Variants in VTI1A observed in about 807,000 individuals in gnomAD.
The protein encoded by VTI1A is vesicle transport through interaction with t-SNAREs 1A.
In VTI1A, 22 loss-of-function variants were observed where a neutral mutation model predicts 34.9. The observed-to-expected ratio is 0.63, with a 90% CI of 0.45 to 0.90. VTI1A has a LOEUF of 0.90. Among genes scored for constraint, VTI1A ranks in the 40% least tolerant of loss-of-function variants. VTI1A has a pLI of 0.00. For missense variants in VTI1A, 268 were observed against 275.6 expected, an observed-to-expected ratio of 0.97 and a Z score of 0.20; for synonymous variants, 87 against 97.3, an observed-to-expected ratio of 0.89 and a Z score of 0.62.
At chr10:112,618,402 T>A (rs1562186) in intron 5 of VTI1A, among the ~76,000 whole-genome samples, 16,720 of 148,528 alleles carry the variant, frequency 0.11, 1,288 homozygotes, top group Non-Finnish European at 0.17. Context: ...GGTGCAAAGC[T>A]AAAAGGCATG....
intron 3 of VTI1A, among the ~76,000 whole-genome samples, chr10:112,466,803 A>G (rs1374020991): frequency 1.4e-5 from 2 of 147,612 alleles, no homozygotes; most frequent in East Asian, 3.9e-4. Context: ...GGCTTAAACA[A>G]CAGAAATTTG....
At chr10:112,607,190 G>A (rs1377422915) in intron 5 of VTI1A, among the ~76,000 whole-genome samples, 2 of 151,952 alleles carry the variant, frequency 1.3e-5, no homozygotes, top group African/African-American at 2.4e-5. Context: ...GGGAGGCTGA[G>A]GCAGGAGAAT....
At chr10:112,708,500 A>C (rs974770985) in intron 7 of VTI1A, among the ~76,000 whole-genome samples, 7 of 152,236 alleles carry the variant, frequency 4.6e-5, no homozygotes, top group Non-Finnish European at 1.0e-4. Context: ...AAGTGGTAAA[A>C]AGGAAAACAC....
chr10:112,690,611 C>G (rs1218039627), intron 7 of VTI1A, among the ~76,000 whole-genome samples: 2 of 152,158 alleles, frequency 1.3e-5, no homozygotes, highest in Admixed American at 1.3e-4. Flanking sequence ...TATGGAGATT[C>G]TCGGTTGGAA....
intron 5 of VTI1A, among the ~76,000 whole-genome samples, chr10:112,627,310 G>T (rs1464835854): frequency 1.3e-5 from 2 of 152,110 alleles, no homozygotes; most frequent in East Asian, 3.8e-4. Flanking sequence ...CCATTGATCA[G>T]TCCAGTTGAA....
Position 112,728,987 on chromosome 10 carries a change from C to T in VTI1A, c.560+59989C>T, listed in dbSNP as rs1850147799. Among the ~76,000 whole-genome samples, 4 of 152,298 alleles carry T rather than the reference C, an allele frequency of 2.6e-5. 1 individual carries two copies. The highest frequency in any genetic ancestry group is 2.6e-4 in the Admixed American group (4 of 15,294). The stretch of plus-strand genomic sequence containing the variant: ...GAGCTGGTCTCAGAACCAGGTCTAA[C>T]TTCTCAGCCTTAACAACCATGATGC... On this transcript the variant is annotated intron_variant, in intron 7 of 7. Transcript: ENST00000393077.
intron 3 of VTI1A, among the ~76,000 whole-genome samples, chr10:112,478,055 G>T (rs903351714): frequency 9.9e-5 from 15 of 152,168 alleles, no homozygotes; most frequent in African/African-American, 3.4e-4. Flanking sequence ...ATGTGGTTCA[G>T]TGCTAACCAT....
At chr10:112,612,172 A>T (rs1845342029) in intron 5 of VTI1A, among the ~76,000 whole-genome samples, 1 of 152,184 alleles carries the variant, frequency 6.6e-6, no homozygotes, top group African/African-American at 2.4e-5. Flanking sequence ...ATGTGACTAA[A>T]AAAGTGTCTA....
chr10:112,831,248 C>A, the VTI1A span: 1 of 152,154 alleles, frequency 6.6e-6, no homozygotes, highest in Non-Finnish European at 1.5e-5. Flanking sequence ...TCACCACCAG[C>A]AAGTTCTCTG....
the VTI1A span, among the ~76,000 whole-genome samples, chr10:112,851,663 G>A: frequency 2.0e-5 from 3 of 152,188 alleles, no homozygotes; most frequent in Non-Finnish European, 2.9e-5. Flanking sequence ...GGATGTGAGC[G>A]CAGGAATTGG....
At position 112,618,510 on chromosome 10, in the gene VTI1A, T is replaced by TAGAG. The variant is rs1370121195; in HGVS notation, c.428-49707_428-49706insGAGA. On this transcript the variant is annotated intron_variant, in intron 5 of 7. Transcript: ENST00000393077. The stretch of plus-strand genomic sequence containing the variant: ...TATATTATATATATATATATATATA[T>TAGAG]ATATATATATATATAGAGAGAGAGA... 7.8e-3 allele frequency among the ~76,000 whole-genome samples: 253 copies of TAGAG among 32,298 alleles called. 1 individual carries two copies. The highest frequency in any genetic ancestry group is 0.011 in the Non-Finnish European group (196 of 17,654). The allele number at this position is 32,298 out of a possible 152,430, so 21.2% of individuals were successfully genotyped here. A position where few individuals can be genotyped will look rare whatever the true frequency, so the allele number is the denominator to read the frequency against.
At position 112,548,984 on chromosome 10, in the gene VTI1A, T is replaced by C. The variant is rs570203678; in HGVS notation, c.427+10654T>C. 6.8e-4 allele frequency: 425 copies of C among 625,364 alleles called. 6 individuals carry two copies. The South Asian group carries it at 8.1e-3, about 12-fold the overall frequency. 38.7% of individuals were successfully genotyped at this position (625,364 alleles called of 1,614,324 possible). A position where few individuals can be genotyped will look rare whatever the true frequency, so the allele number is the denominator to read the frequency against. On this transcript the variant is annotated intron_variant, in intron 5 of 7. Coordinates refer to ENST00000393077, the MANE Select transcript of VTI1A (RefSeq NM_145206.4). ...TCTTTCTTCTCTTCTTCTCCTTCCC[T>C]GCCCTCCTGCCTTCTCTTCAAGAAA...
upstream of VTI1A, chr10:112,447,178 G>T: frequency 1.8e-6 from 1 of 552,582 alleles, no homozygotes; most frequent in Non-Finnish European, 3.2e-6. Context: ...AATAAAGCAC[G>T]CACGCAACCC....
intron 3 of VTI1A, among the ~76,000 whole-genome samples, chr10:112,505,158 C>T (rs1359832960): frequency 1.3e-5 from 2 of 151,850 alleles, no homozygotes; most frequent in Non-Finnish European, 2.9e-5. Context: ...AATTATTACT[C>T]TTATATAGTT....
At chr10:112,717,874 A>G (rs775540373) in intron 7 of VTI1A, among the ~76,000 whole-genome samples, 49 of 152,180 alleles carry the variant, frequency 3.2e-4, no homozygotes, top group African/African-American at 9.9e-4. Context: ...GGAAAATACA[A>G]TCTGTCACAT....
At chr10:112,765,656 A>G (rs1186663815) in intron 7 of VTI1A, among the ~76,000 whole-genome samples, 2 of 152,228 alleles carry the variant, frequency 1.3e-5, no homozygotes, top group Non-Finnish European at 2.9e-5. Flanking sequence ...AGTGGGGGAA[A>G]CAGACATTAA....
At chr10:112,803,943 C>A (rs1193218588) in intron 7 of VTI1A, among the ~76,000 whole-genome samples, 1 of 152,212 alleles carries the variant, frequency 6.6e-6, no homozygotes, top group Non-Finnish European at 1.5e-5. Context: ...TTGATCCTAT[C>A]TGGGAGTCTG....
intron 3 of VTI1A, among the ~76,000 whole-genome samples, chr10:112,514,524 T>G (rs1412782546): frequency 6.6e-6 from 1 of 151,812 alleles, no homozygotes; most frequent in East Asian, 1.9e-4. Flanking sequence ...TCTTTGTTAT[T>G]TCATTCTTCT....
At chr10:112,655,161 T>A (rs1847185776) in intron 5 of VTI1A, among the ~76,000 whole-genome samples, 1 of 152,196 alleles carries the variant, frequency 6.6e-6, no homozygotes, top group Non-Finnish European at 1.5e-5. Context: ...CCGTACTGAA[T>A]TAGAAATTGT....
Sources: allele counts gnomAD v4.1 joint callset (sites outside exome capture counted in the v4.1 genomes callset), GRCh38; gene constraint gnomAD v4.1.1; transcripts MANE v1.5; gene names NCBI Gene and HGNC (gene_info 2026-07-23, HGNC 2026-07-21).